ZNF723: variants seen among roughly 807,000 people sequenced by gnomAD.
The protein encoded by ZNF723 is zinc finger protein 723, pseudogene.
In ZNF723, 5 loss-of-function variants were observed where a neutral mutation model predicts 9.4. The observed-to-expected ratio is 0.53, with a 90% CI of 0.28 to 1.12. The LOEUF (loss-of-function observed/expected upper bound fraction) is 1.12, where lower values mean the gene tolerates loss of function less well. Among genes scored for constraint, ZNF723 ranks in the 50% most tolerant of loss-of-function variants. The probability of loss-of-function intolerance (pLI) is 0.10; values close to 1 mark genes in which losing one functional copy is unlikely to be tolerated. For synonymous variants in ZNF723, 158 were observed against 168.8 expected (o/e 0.94, Z 0.49); for missense variants, 450 against 501.5 (o/e 0.90, Z 0.98).
chr19:22,816,059 G>A, the ZNF723 span, among the ~76,000 whole-genome samples: 1 of 152,198 alleles, frequency 6.6e-6, no homozygotes, highest in Non-Finnish European at 1.5e-5. Flanking sequence ...GAGAGATGTT[G>A]ACTCTCATTA....
At chr19:22,821,661 A>G in the ZNF723 span, among the ~76,000 whole-genome samples, 1 of 152,160 alleles carries the variant, frequency 6.6e-6, no homozygotes, top group African/African-American at 2.4e-5. Context: ...GCTTAAATTT[A>G]GACATATGTA....
chr19:22,846,097 C>T lies in ZNF723; in HGVS notation c.4-2164C>T, dbSNP rs78588900. On this transcript the variant is annotated intron_variant, in intron 1 of 3. Transcript: ENST00000600766. ...TTCTTTTTAGAGCCTTTTCTAAGTT[C>T]TCCACATCATGGCTTTTTATATGCC... Among the ~76,000 whole-genome samples the T allele has an allele frequency of 4.8e-3, 729 of 152,070 alleles. 6 individuals are homozygous for T. The highest frequency in any genetic ancestry group is 0.017 in the African/African-American group (705 of 41,484).
intron 1 of ZNF723, among the ~76,000 whole-genome samples, chr19:22,836,677 G>A (rs961333764): frequency 7.9e-5 from 12 of 152,160 alleles, no homozygotes; most frequent in African/African-American, 2.7e-4. Context: ...ATAAACTTAA[G>A]TGAAGTTTGA....
chr19:22,849,314 A>G (rs897037253), intron 3 of ZNF723, 21 bp downstream of exon 3: 4 of 556,220 alleles, frequency 7.2e-6, no homozygotes, highest in Admixed American at 2.7e-5. Flanking sequence ...AGTGAACACA[A>G]TGGACAACAC....
At chr19:22,825,254 G>A in the ZNF723 span, among the ~76,000 whole-genome samples, 1 of 152,148 alleles carries the variant, frequency 6.6e-6, no homozygotes, top group Non-Finnish European at 1.5e-5. Context: ...CCAGGACACC[G>A]TCCTTGGGTG....
the ZNF723 span, among the ~76,000 whole-genome samples, chr19:22,821,098 A>G: frequency 6.6e-6 from 1 of 152,236 alleles, no homozygotes; most frequent in East Asian, 1.9e-4. Context: ...GTCTTCACGC[A>G]GGAATACAGT....
At position 22,848,248 on chromosome 19, in the gene ZNF723, GTT is replaced by G; in HGVS notation, c.4-5_4-4del. 5.4e-6 allele frequency: 5 copies of G among 930,110 alleles called. No homozygotes were observed. The highest frequency in any genetic ancestry group is 1.7e-5 in the African/African-American group (1 of 57,948). 57.6% of individuals were successfully genotyped at this position (930,110 alleles called of 1,614,324 possible). ...TAAATATGTGTGTATGTGTGTGTGT[GTT>G]TTTTTTTCAGGGACCATTGACATTC... On this transcript the variant is annotated splice_polypyrimidine_tract_variant and intron_variant, in intron 1 of 3. Transcript: ENST00000600766.
At chr19:22,822,878 G>T in the ZNF723 span, among the ~76,000 whole-genome samples, 1 of 152,056 alleles carries the variant, frequency 6.6e-6, no homozygotes, top group African/African-American at 2.4e-5. Context: ...GAAAAAAATT[G>T]TGATTCTCAT....
chr19:22,826,490 A>G, the ZNF723 span, among the ~76,000 whole-genome samples: 3 of 152,236 alleles, frequency 2.0e-5, no homozygotes, highest in African/African-American at 2.4e-5. Flanking sequence ...AGAGAGTATT[A>G]TAACAGGGCT....
intron 1 of ZNF723, among the ~76,000 whole-genome samples, chr19:22,841,888 A>C (rs766392199): frequency 3.9e-5 from 6 of 152,222 alleles, no homozygotes; most frequent in African/African-American, 1.2e-4. Flanking sequence ...GAACCAAAAA[A>C]AAAGAAAAAA....
At chr19:22,817,425 T>C in the ZNF723 span, among the ~76,000 whole-genome samples, 1 of 152,056 alleles carries the variant, frequency 6.6e-6, no homozygotes, top group African/African-American at 2.4e-5. Context: ...GAGATGTGAC[T>C]CTCCTCTTCC....
the ZNF723 span, among the ~76,000 whole-genome samples, chr19:22,818,265 C>T: frequency 5.9e-5 from 9 of 152,112 alleles, no homozygotes; most frequent in East Asian, 5.8e-4. Flanking sequence ...AGGCCCAGCA[C>T]GCAGGTGAAA....
Position 22,858,223 on chromosome 19 carries a change from G to T in ZNF723, c.1332G>T (p.Lys444Asn), listed in dbSNP as rs558322844. ...FSQSSTLTKH[K>N]IIHTKEKPYK... ...AATCCTCAACCCTTACTAAACATAA[G>T]ATAATTCATACTAAAGAGAAACCCT... is the stretch of plus-strand genomic sequence containing the variant. The change falls in exon 4 of 4, where the codon AAG becomes AAT. Residue 444 changes from lysine to asparagine, a missense_variant. Around this residue, in one of 5 missense-constraint regions of ZNF723, gnomAD observed 237 missense variants for 332.2 expected, o/e 0.71. Coordinates refer to ENST00000600766, the MANE Select transcript of ZNF723 (RefSeq NM_001349726.2). 1.1e-3 allele frequency: 1,487 copies of T among 1,367,026 alleles called. 12 individuals are homozygous for T. The highest frequency in any genetic ancestry group is 3.8e-4 in the Non-Finnish European group (364 of 957,998). The allele number at this position is 1,367,026 out of a possible 1,614,324, so 84.7% of individuals were successfully genotyped here.
the ZNF723 span, among the ~76,000 whole-genome samples, chr19:22,813,802 G>A: frequency 1.1e-4 from 16 of 149,810 alleles, no homozygotes; most frequent in African/African-American, 3.9e-4. Context: ...CAAATTTGGG[G>A]TAGCAAAACT....
chr19:22,839,464 TG>T (rs869076223), intron 1 of ZNF723, among the ~76,000 whole-genome samples: 13 of 96,404 alleles, frequency 1.3e-4, no homozygotes, highest in African/African-American at 3.4e-4. Context: ...TGTTTTTTTT[TG>T]GTTTTTTTTT....
intron 3 of ZNF723, among the ~76,000 whole-genome samples, chr19:22,850,293 G>A (rs922203532): frequency 3.3e-5 from 5 of 151,778 alleles, no homozygotes; most frequent in Non-Finnish European, 5.9e-5. Flanking sequence ...TGTAACCTCC[G>A]CCTCCCGGAT....
In ZNF723 at chr19:22,857,353, T is replaced by C. The variant is rs534630279; in HGVS notation, c.462T>C (p.Phe154=). 1.2e-6 allele frequency: 1 copy of C among 823,570 alleles called. No individual in the cohort carries two copies. Among genetic ancestry groups the C allele is most frequent in the Non-Finnish European group, 2.1e-6 (1 of 465,480 alleles). The allele number at this position is 823,570 out of a possible 1,614,324, so 51.0% of individuals were successfully genotyped here. A position where few individuals can be genotyped will look rare whatever the true frequency, so the allele number is the denominator to read the frequency against. ...AATGTGATAAATATGTAAAAGTCTT[T>C]CATAAATTTTCAAGTTCAAATAGCC... ...IFQCDKYVKV[F]HKFSSSNSQK... is the part of the protein sequence containing the mutation. Residue 154 remains phenylalanine (F), a synonymous_variant, in exon 4 of 4, where the codon TTT becomes TTC. Transcript: ENST00000600766.
At chr19:22,821,665 A>G in the ZNF723 span, among the ~76,000 whole-genome samples, 2 of 152,174 alleles carry the variant, frequency 1.3e-5, no homozygotes, top group Non-Finnish European at 1.5e-5. Context: ...AAATTTAGAC[A>G]TATGTATTTT....
the ZNF723 span, among the ~76,000 whole-genome samples, chr19:22,819,250 C>T: frequency 6.6e-6 from 1 of 152,208 alleles, no homozygotes; most frequent in Non-Finnish European, 1.5e-5. Context: ...CTGTGTCCAT[C>T]AACAATTTGA....
Sources: gnomAD v4.1 joint callset for allele counts (sites outside exome capture counted in the v4.1 genomes callset) on GRCh38, gnomAD v4.1.1 for gene constraint, gnomAD v4.1.1 regional missense constraint, MANE v1.5 for transcripts, NCBI Gene and HGNC (gene_info 2026-07-23, HGNC 2026-07-21) for gene names.